Variants in THSD7B observed in about 807,000 individuals in gnomAD.
THSD7B encodes the protein thrombospondin type 1 domain containing 7B.
THSD7B carries 138 observed loss-of-function variants against 213.6 expected under a neutral mutation model. The ratio of observed to expected loss-of-function variants is 0.65; its 90% CI spans 0.56 to 0.74. The LOEUF (loss-of-function observed/expected upper bound fraction) is 0.74. Among genes scored for constraint, THSD7B ranks in the 30% least tolerant of loss-of-function variants. THSD7B has a pLI of 0.00. For missense variants in THSD7B, 1,931 were observed against 1,991.5 expected (o/e 0.97, Z 0.58); for synonymous variants, 742 against 687.0 (o/e 1.08, Z -1.25).
At chr2:137,501,007 T>G (rs886332748) in intron 15 of THSD7B, among the ~76,000 whole-genome samples, 2 of 152,172 alleles carry the variant, frequency 1.3e-5, no homozygotes, top group African/African-American at 4.8e-5. Flanking sequence ...ATTTGTAAGA[T>G]TAAGCATCTC....
intron 1 of THSD7B, among the ~76,000 whole-genome samples, chr2:136,824,020 A>G (rs1682604372): frequency 1.3e-5 from 2 of 152,174 alleles, no homozygotes; most frequent in South Asian, 4.1e-4. Context: ...TGCATCCATT[A>G]TCTCTTTATT....
At chr2:137,485,294 C>A (rs1036699190) in intron 15 of THSD7B, among the ~76,000 whole-genome samples, 1 of 148,704 alleles carries the variant, frequency 6.7e-6, no homozygotes, top group East Asian at 2.0e-4. Context: ...TTCCCCATTG[C>A]TTGTTTTTCT....
At chr2:137,237,902 C>A (rs1681804282) in intron 9 of THSD7B, among the ~76,000 whole-genome samples, 1 of 152,160 alleles carries the variant, frequency 6.6e-6, no homozygotes, top group Admixed American at 6.5e-5. Context: ...CCTTATCAAA[C>A]CAAAAATAAC....
chr2:137,094,000 C>T (rs1170562749), intron 3 of THSD7B, among the ~76,000 whole-genome samples: 1 of 152,092 alleles, frequency 6.6e-6, no homozygotes, highest in Non-Finnish European at 1.5e-5. Flanking sequence ...TGCTCAGAGC[C>T]TAACAATATG....
At chr2:137,032,030 G>A (rs945074475) in intron 2 of THSD7B, among the ~76,000 whole-genome samples, 1 of 151,772 alleles carries the variant, frequency 6.6e-6, no homozygotes, top group East Asian at 1.9e-4. Context: ...TTGTGGTGAC[G>A]AGATTTCGCC....
chr2:136,819,686 G>GCC (rs149158020), intron 1 of THSD7B, among the ~76,000 whole-genome samples: 28 of 151,690 alleles, frequency 1.8e-4, no homozygotes, highest in Non-Finnish European at 3.2e-4. Context: ...CCTTGCTTAT[G>GCC]CCCCCCCCAG....
chr2:136,984,406 G>A (rs1226616944), intron 2 of THSD7B, among the ~76,000 whole-genome samples: 2 of 152,190 alleles, frequency 1.3e-5, no homozygotes, highest in African/African-American at 4.8e-5. Context: ...GTTATTTTGT[G>A]TGAGATCTGA....
At chr2:137,417,078 CTT>C (rs1286761611) in intron 14 of THSD7B, among the ~76,000 whole-genome samples, 7 of 152,084 alleles carry the variant, frequency 4.6e-5, no homozygotes, top group African/African-American at 1.2e-4. Flanking sequence ...CAATTTAACA[CTT>C]ATAATTTCAT....
At chr2:137,262,538 A>G (rs1682476306) in intron 10 of THSD7B, among the ~76,000 whole-genome samples, 2 of 152,158 alleles carry the variant, frequency 1.3e-5, no homozygotes, top group Non-Finnish European at 2.9e-5. Context: ...TTATCATTAT[A>G]GGTGTTGTTA....
intron 20 of THSD7B, among the ~76,000 whole-genome samples, chr2:137,627,154 T>A (rs1217891450): frequency 6.6e-6 from 1 of 152,090 alleles, no homozygotes; most frequent in African/African-American, 2.4e-5. Context: ...GCCACACACT[T>A]TTTAACAACC....
intron 1 of THSD7B, among the ~76,000 whole-genome samples, chr2:136,780,130 G>A (rs1191873177): frequency 2.6e-5 from 4 of 152,052 alleles, no homozygotes; most frequent in African/African-American, 4.8e-5. Context: ...TATGAATTAT[G>A]GGTAATTCAT....
At chr2:137,166,654 T>C (rs1680136551) in intron 6 of THSD7B, among the ~76,000 whole-genome samples, 1 of 152,192 alleles carries the variant, frequency 6.6e-6, no homozygotes, top group African/African-American at 2.4e-5. Flanking sequence ...TCTTTTATGC[T>C]CTTAAACAAA....
intron 15 of THSD7B, among the ~76,000 whole-genome samples, chr2:137,482,275 A>G (rs951512578): frequency 6.6e-6 from 1 of 152,186 alleles, no homozygotes; most frequent in Non-Finnish European, 1.5e-5. Flanking sequence ...CAACTTTTCA[A>G]ATGTATTTTG....
intron 2 of THSD7B, among the ~76,000 whole-genome samples, chr2:136,945,060 A>G (rs1424975109): frequency 6.6e-6 from 1 of 152,128 alleles, no homozygotes; most frequent in Non-Finnish European, 1.5e-5. Context: ...TGCCTCCTTC[A>G]GGAGCTCTTG....
chr2:137,437,871 A>G (rs1687325873), intron 14 of THSD7B, among the ~76,000 whole-genome samples: 1 of 152,146 alleles, frequency 6.6e-6, no homozygotes, highest in South Asian at 2.1e-4. Flanking sequence ...AAATAGATAA[A>G]AATTCACATG....
intron 7 of THSD7B, among the ~76,000 whole-genome samples, chr2:137,229,398 A>G (rs1015954963): frequency 6.6e-6 from 1 of 152,026 alleles, no homozygotes; most frequent in African/African-American, 2.4e-5. Context: ...CTCAACCTGG[A>G]AATAGATTGA....
chr2:137,289,852 A>T (rs933343887), intron 12 of THSD7B, among the ~76,000 whole-genome samples: 7 of 152,048 alleles, frequency 4.6e-5, no homozygotes, highest in African/African-American at 1.7e-4. Context: ...GGGAGGAAAT[A>T]CTTGAGTAAG....
chr2:137,418,310 C>A (rs1392745132), intron 14 of THSD7B, among the ~76,000 whole-genome samples: 2 of 152,178 alleles, frequency 1.3e-5, no homozygotes, highest in African/African-American at 4.8e-5. Context: ...GGACAGGAAT[C>A]TTTCCAAAAG....
At chr2:137,244,374 G>C (rs1681979121) in intron 10 of THSD7B, among the ~76,000 whole-genome samples, 1 of 152,150 alleles carries the variant, frequency 6.6e-6, no homozygotes, top group South Asian at 2.1e-4. Flanking sequence ...AATTGGTGTT[G>C]GAGTTATTGA....
Sources: gnomAD v4.1 joint callset for allele counts (sites outside exome capture counted in the v4.1 genomes callset) on GRCh38, gnomAD v4.1.1 for gene constraint, MANE v1.5 for transcripts, NCBI Gene and HGNC (gene_info 2026-07-23, HGNC 2026-07-21) for gene names.